Variants in ERAP1 observed in about 807,000 individuals in gnomAD.
ERAP1 encodes endoplasmic reticulum aminopeptidase 1.
ERAP1 carries 86 observed loss-of-function variants against 103.7 expected under a neutral mutation model. That is an observed-to-expected ratio of 0.83 (90% confidence interval 0.70 to 0.99). The LOEUF (loss-of-function observed/expected upper bound fraction) is 0.99, where lower values mean the gene tolerates loss of function less well. Among genes scored for constraint, ERAP1 ranks in the 50% least tolerant of loss-of-function variants. ERAP1 has a pLI of 0.00. For missense variants in ERAP1, 1,009 were observed against 1,128.4 expected (o/e 0.89, Z 1.52); for synonymous variants, 398 against 402.4 (o/e 0.99, Z 0.13).
At chr5:96,768,448 GA>G in intron 19 of ERAP1, 1 of 447,942 alleles carries the variant, frequency 2.2e-6, no homozygotes, top group South Asian at 1.6e-5. Flanking sequence ...ATGAAGAAAA[GA>G]AAAAATGCCT....
chr5:96,774,695 T>TG lies in ERAP1; in HGVS notation c.*1700_*1701insC. 1.0e-6 allele frequency: 1 copy of TG among 971,736 alleles called. No individual in the cohort carries two copies. Among genetic ancestry groups the TG allele is most frequent in the Non-Finnish European group, 1.2e-6 (1 of 816,986 alleles). 60.2% of individuals were successfully genotyped at this position (971,736 alleles called of 1,614,324 possible). A position where few individuals can be genotyped will look rare whatever the true frequency, so the allele number is the denominator to read the frequency against. ...ATTTTACATTAAAATCTTGGTTGTG[T>TG]ATTTTTTTAAAAGAAGGGAAATAGT... On this transcript the variant is annotated 3_prime_UTR_variant, in exon 19 of 19. Coordinates refer to ENST00000443439, the MANE Select transcript of ERAP1 (RefSeq NM_001040458.3).
the ERAP1 span, among the ~76,000 whole-genome samples, chr5:96,850,849 T>A: frequency 6.6e-6 from 1 of 152,132 alleles, no homozygotes; most frequent in African/African-American, 2.4e-5. Flanking sequence ...AGAAATAAAT[T>A]AATAAAATAA....
chr5:96,874,473 C>T, the ERAP1 span, among the ~76,000 whole-genome samples: 6 of 152,350 alleles, frequency 3.9e-5, no homozygotes, highest in South Asian at 2.1e-4. Context: ...CCTGCCCCCA[C>T]GCCCTGCAGA....
chr5:96,909,025 A>G, the ERAP1 span: 20 of 1,614,210 alleles, frequency 1.2e-5, no homozygotes, highest in Non-Finnish European at 1.6e-5. Context: ...TGAAACAAGC[A>G]GCCCCGCACT....
At chr5:96,813,925 C>A in the ERAP1 span, 7 of 174,908 alleles carry the variant, frequency 4.0e-5, no homozygotes, top group African/African-American at 1.4e-4. Context: ...TTTTTACTAT[C>A]TTGTCTAAGA....
chr5:96,763,963 C>CA (rs35420188), intron 19 of ERAP1, among the ~76,000 whole-genome samples: 62,433 of 145,958 alleles, frequency 0.43, 13,262 homozygotes, highest in Non-Finnish European at 0.46. Flanking sequence ...CTTTTTACCT[C>CA]AAAAAAAAAA....
exon 20 of ERAP1, chr5:96,761,727 A>C (rs1768026644): frequency 6.5e-6 from 1 of 153,306 alleles, no homozygotes; most frequent in African/African-American, 2.4e-5. Flanking sequence ...GTTGAAAAAA[A>C]ACCCTGAAAC....
At chr5:96,867,345 C>A in the ERAP1 span, among the ~76,000 whole-genome samples, 1 of 152,198 alleles carries the variant, frequency 6.6e-6, no homozygotes, top group East Asian at 1.9e-4. Context: ...GTTATGGCTG[C>A]ATAACAAATT....
the ERAP1 span, among the ~76,000 whole-genome samples, chr5:96,898,573 A>AAAAT: frequency 4.1e-5 from 1 of 24,430 alleles, no homozygotes; most frequent in Non-Finnish European, 7.6e-5. Context: ...ACTAAAATAC[A>AAAAT]AAAAAAAAAA....
At chr5:96,924,108 T>C in the ERAP1 span, among the ~76,000 whole-genome samples, 1 of 152,376 alleles carries the variant, frequency 6.6e-6, no homozygotes, top group African/African-American at 2.4e-5. Context: ...AAAATTTGCC[T>C]CAGGCTGATC....
chr5:96,831,661 G>A, the ERAP1 span, among the ~76,000 whole-genome samples: 2 of 152,222 alleles, frequency 1.3e-5, no homozygotes, highest in Non-Finnish European at 2.9e-5. Context: ...ATTAGATATA[G>A]TCTAATGTGC....
the ERAP1 span, among the ~76,000 whole-genome samples, chr5:96,854,027 T>C: frequency 6.6e-6 from 1 of 152,186 alleles, no homozygotes; most frequent in Non-Finnish European, 1.5e-5. Flanking sequence ...AAGAAATCTG[T>C]GAATGCAGCC....
chr5:96,882,979 C>T, the ERAP1 span, among the ~76,000 whole-genome samples: 1 of 152,112 alleles, frequency 6.6e-6, no homozygotes, highest in Admixed American at 6.6e-5. Flanking sequence ...TGTAACTGTA[C>T]AGTTTCAGGC....
At chr5:96,934,776 A>G in the ERAP1 span, 1 of 152,264 alleles carries the variant, frequency 6.6e-6, no homozygotes, top group African/African-American at 2.4e-5. Flanking sequence ...CGCTGTTGAA[A>G]GCCTCAGAGC....
the ERAP1 span, among the ~76,000 whole-genome samples, chr5:96,817,822 C>G: frequency 6.6e-6 from 1 of 152,208 alleles, no homozygotes; most frequent in Non-Finnish European, 1.5e-5. Flanking sequence ...GAACTCAATT[C>G]CAAATTCAAG....
the ERAP1 span, chr5:96,889,634 A>T: frequency 1.6e-6 from 1 of 634,320 alleles, no homozygotes; most frequent in Admixed American, 2.4e-5. Context: ...AGATGGGGAG[A>T]AAAAGAAGGA....
At chr5:96,909,727 C>T in the ERAP1 span, 2 of 1,614,182 alleles carry the variant, frequency 1.2e-6, no homozygotes, top group South Asian at 2.2e-5. Flanking sequence ...AGCTGCTGAA[C>T]TCTTCTCCCA....
At chr5:96,900,112 GT>G in the ERAP1 span, 1 of 1,613,676 alleles carries the variant, frequency 6.2e-7, no homozygotes. Context: ...TTTTGTTCTT[GT>G]TTTGTAGAGT....
the ERAP1 span, among the ~76,000 whole-genome samples, chr5:96,867,101 G>C: frequency 6.6e-6 from 1 of 151,702 alleles, no homozygotes; most frequent in South Asian, 2.1e-4. Context: ...CCACCTCCCA[G>C]GTTCAAGTGA....
Sources: allele counts gnomAD v4.1 joint callset (sites outside exome capture counted in the v4.1 genomes callset), GRCh38; gene constraint gnomAD v4.1.1; transcripts MANE v1.5; gene names NCBI Gene and HGNC (gene_info 2026-07-23, HGNC 2026-07-21).